Variants in IMPG1 observed in about 807,000 individuals in gnomAD.
The protein encoded by IMPG1 is interphotoreceptor matrix proteoglycan 1.
Under a neutral mutation model 92.0 loss-of-function variants are expected in IMPG1, and 85 were observed. The ratio of observed to expected loss-of-function variants is 0.92; its 90% CI spans 0.78 to 1.11. The LOEUF is 1.11. Among genes scored for constraint, IMPG1 ranks in the 50% least tolerant of loss-of-function variants. IMPG1 has a pLI of 0.00. For missense variants in IMPG1, 1,022 were observed against 956.0 expected (o/e 1.07, Z -0.91); for synonymous variants, 367 against 334.1 (o/e 1.10, Z -1.08).
At chr6:76,029,767 C>T (rs1783622667) in intron 4 of IMPG1, among the ~76,000 whole-genome samples, 1 of 152,132 alleles carries the variant, frequency 6.6e-6, no homozygotes, top group African/African-American at 2.4e-5. Context: ...AGGGAACTAA[C>T]CAAAGCCAAG....
At chr6:75,942,192 C>A (rs1352536758) in intron 14 of IMPG1, among the ~76,000 whole-genome samples, 3 of 152,178 alleles carry the variant, frequency 2.0e-5, no homozygotes, top group African/African-American at 7.2e-5. Flanking sequence ...CTCCTAGAGA[C>A]AAAGCTAAGT....
chr6:75,955,183 A>C (rs1012233698), intron 12 of IMPG1, among the ~76,000 whole-genome samples: 1 of 152,156 alleles, frequency 6.6e-6, no homozygotes, highest in African/African-American at 2.4e-5. Flanking sequence ...GATAGCATTT[A>C]ATCTATAAAT....
At chr6:75,980,722 C>T (rs925573176) in intron 12 of IMPG1, among the ~76,000 whole-genome samples, 20 of 152,178 alleles carry the variant, frequency 1.3e-4, no homozygotes, top group Admixed American at 1.3e-4. Context: ...GTTGGCTTCC[C>T]TACTTTTGAG....
chr6:75,980,724 A>G (rs1439986353), intron 12 of IMPG1, among the ~76,000 whole-genome samples: 1 of 152,108 alleles, frequency 6.6e-6, no homozygotes, highest in African/African-American at 2.4e-5. Flanking sequence ...TGGCTTCCCT[A>G]CTTTTGAGGT....
At chr6:75,987,531 A>G (rs971087084) in intron 12 of IMPG1, among the ~76,000 whole-genome samples, 2 of 148,190 alleles carry the variant, frequency 1.3e-5, no homozygotes, top group Non-Finnish European at 3.0e-5. Context: ...TCATTGTTCA[A>G]TTCCCACCGA....
rs181681161 is a variant in IMPG1, at chr6:75,930,132, G to C, written c.2243+821C>G. Among the ~76,000 whole-genome samples the C allele has an allele frequency of 2.0e-5, 3 of 152,298 alleles. No homozygotes were observed. In the East Asian group the frequency reaches 5.8e-4, roughly 29 times the overall value. On this transcript the variant is annotated intron_variant, in intron 15 of 16. Transcript: ENST00000369950. ...CACTCTAAAGTCTGGTTCCTGAATA[G>C]AGAGGCCTTTGTATCTTGCCTCCTT...
chr6:76,041,881 C>G lies in IMPG1; in HGVS notation c.301+12G>C, dbSNP rs1395757011. On this transcript the variant is annotated intron_variant, in intron 2 of 16. Transcript: ENST00000369950. The stretch of plus-strand genomic sequence containing the variant: ...ATAACACAAGGCTAAACGGTTTCAT[C>G]TCTTTCCTTACCTCTCAATCTATAA... The G allele has an allele frequency of 6.5e-7, 1 of 1,541,276 alleles. No individual in the cohort carries two copies. The highest frequency in any genetic ancestry group is 9.0e-7 in the Non-Finnish European group (1 of 1,113,800).
At chr6:75,979,260 A>G (rs1293278837) in intron 12 of IMPG1, among the ~76,000 whole-genome samples, 1 of 152,148 alleles carries the variant, frequency 6.6e-6, no homozygotes, top group East Asian at 1.9e-4. Context: ...TGAGGTCCTC[A>G]ATAAGGCTGA....
intron 12 of IMPG1, among the ~76,000 whole-genome samples, chr6:75,974,351 CTTTCTTTCTT>C (rs1562354421): frequency 9.5e-6 from 1 of 105,686 alleles, no homozygotes; most frequent in African/African-American, 3.8e-5. Flanking sequence ...TTCTTTCTTT[CTTTCTTTCTT>C]TCTTTCTTTC....
chr6:76,022,389 A>G (rs140981565), intron 5 of IMPG1, among the ~76,000 whole-genome samples, 170 bp from the exon 6 acceptor site: 3 of 152,204 alleles, frequency 2.0e-5, no homozygotes, highest in African/African-American at 7.2e-5. Context: ...AAAAAATATG[A>G]CTCATACTCT....
chr6:76,045,435 C>T (rs755254114), intron 1 of IMPG1, among the ~76,000 whole-genome samples: 25 of 144,020 alleles, frequency 1.7e-4, no homozygotes, highest in Non-Finnish European at 3.5e-4. Context: ...AACAAACAAC[C>T]TCCATCTTTT....
intron 12 of IMPG1, among the ~76,000 whole-genome samples, chr6:75,989,019 T>A (rs763691907): frequency 2.0e-5 from 3 of 152,170 alleles, no homozygotes; most frequent in Non-Finnish European, 4.4e-5. Flanking sequence ...TTGTTCTATC[T>A]CACTTTTCCT....
chr6:76,072,109 T>A (rs1362592335), intron 1 of IMPG1, among the ~76,000 whole-genome samples: 3 of 152,244 alleles, frequency 2.0e-5, no homozygotes, highest in South Asian at 2.1e-4. Context: ...ATGGAGTTAG[T>A]TTCACAGATC....
chr6:75,954,541 A>C (rs944408519), intron 12 of IMPG1, among the ~76,000 whole-genome samples: 1 of 152,090 alleles, frequency 6.6e-6, no homozygotes, highest in Non-Finnish European at 1.5e-5. Flanking sequence ...AGATTGCCAA[A>C]ATTTTTTCCC....
In IMPG1 at chr6:75,962,858, T is replaced by C. The variant is rs1032361569; in HGVS notation, c.1292-11764A>G. Reference sequence around the variant, plus strand: ...GAGTTTGAGACCAGCCCGGCCAACATGGTGAAACCCCAACTCTACTAAAAA... The same window carrying C: ...GAGTTTGAGACCAGCCCGGCCAACACGGTGAAACCCCAACTCTACTAAAAA... On this transcript the variant is annotated intron_variant, in intron 12 of 16. Coordinates refer to ENST00000369950, the MANE Select transcript of IMPG1 (RefSeq NM_001563.4). Among the ~76,000 whole-genome samples, 4 of 152,050 alleles carry C rather than the reference T, an allele frequency of 2.6e-5. No homozygotes were observed. The East Asian group carries it at 7.8e-4, about 30-fold the overall frequency.
chr6:75,960,692 T>G (rs1466594888), intron 12 of IMPG1, among the ~76,000 whole-genome samples: 1 of 152,164 alleles, frequency 6.6e-6, no homozygotes, highest in Non-Finnish European at 1.5e-5. Context: ...AATAATCATG[T>G]TTTCATCTAA....
chr6:76,055,035 G>A (rs1260573241), intron 1 of IMPG1, among the ~76,000 whole-genome samples: 1 of 151,914 alleles, frequency 6.6e-6, no homozygotes, highest in Non-Finnish European at 1.5e-5. Context: ...ATTCAGTAAG[G>A]GTAGGGAAGA....
chr6:76,029,378 A>C (rs1375797895), intron 4 of IMPG1, among the ~76,000 whole-genome samples: 1 of 152,256 alleles, frequency 6.6e-6, no homozygotes, highest in Non-Finnish European at 1.5e-5. Context: ...TTATGCAAAT[A>C]ATTAGGCCAA....
chr6:75,943,284 A>G lies in IMPG1; in HGVS notation c.2044+4030T>C, dbSNP rs148896882. ...TCTCATATTAAAAATCTGATCTCCA[A>G]TGCTGGAAGTGTGGGCCTAATGGGA... On this transcript the variant is annotated intron_variant, in intron 14 of 16. Transcript: ENST00000369950. 4.6e-3 allele frequency among the ~76,000 whole-genome samples: 696 copies of G among 152,186 alleles called. 7 individuals are homozygous for G. The highest frequency in any genetic ancestry group is 0.016 in the African/African-American group (674 of 41,526).
Sources: gnomAD v4.1 joint callset for allele counts (sites outside exome capture counted in the v4.1 genomes callset) on GRCh38, gnomAD v4.1.1 for gene constraint, MANE v1.5 for transcripts, NCBI Gene and HGNC (gene_info 2026-07-23, HGNC 2026-07-21) for gene names.